Variants in VEZF1 observed in about 807,000 individuals in gnomAD.
VEZF1 encodes putative transcription factor DB1.
VEZF1 carries 5 observed loss-of-function variants against 44.1 expected under a neutral mutation model. The observed-to-expected ratio is 0.11, with a 90% confidence interval of 0.06 to 0.24. The LOEUF is 0.24. Ranked by LOEUF, VEZF1 falls within the 10% of genes least tolerant of loss-of-function variation. The pLI is 1.00. For synonymous variants in VEZF1, 236 were observed against 233.1 expected, an observed-to-expected ratio of 1.01 and a Z score of -0.11; for missense variants, 358 against 641.8, an observed-to-expected ratio of 0.56 and a Z score of 4.78.
intron 4 of VEZF1, among the ~76,000 whole-genome samples, chr17:57,980,032 CAGTGTACTTACAAAGA>C (rs1194215359): frequency 2.0e-4 from 30 of 150,076 alleles, no homozygotes; most frequent in African/African-American, 6.1e-4. Flanking sequence ...TACAACATAC[CAGTGTACTTACAAAGA>C]AGTGTACTTA....
chr17:57,975,662 C>T (rs1014490991), intron 5 of VEZF1, among the ~76,000 whole-genome samples: 1 of 152,198 alleles, frequency 6.6e-6, no homozygotes, highest in African/African-American at 2.4e-5. Flanking sequence ...CTGATGTTGA[C>T]ACAATCACCT....
intron 5 of VEZF1, among the ~76,000 whole-genome samples, chr17:57,976,985 A>G (rs2075198208): frequency 6.6e-6 from 1 of 152,170 alleles, no homozygotes; most frequent in Non-Finnish European, 1.5e-5. Context: ...ACTATGACTT[A>G]AACATTTTTA....
At chr17:57,982,386 T>C (rs1344497262) in intron 2 of VEZF1, among the ~76,000 whole-genome samples, 1 of 152,202 alleles carries the variant, frequency 6.6e-6, no homozygotes, top group Admixed American at 6.5e-5. Flanking sequence ...GTGAGCCTCA[T>C]GTCTAGTCCC....
rs1453025318 is a variant in VEZF1, at chr17:57,973,147, T to C, written c.*1326A>G. ...GCATGATGGTGTAAAGAGTATCTGTTTCCCTAGCTTTTGGTTTCTACTTTA... is the reference window on the plus strand; with the variant it reads ...GCATGATGGTGTAAAGAGTATCTGTCTCCCTAGCTTTTGGTTTCTACTTTA... On this transcript the variant is annotated 3_prime_UTR_variant, in exon 6 of 6. Coordinates refer to ENST00000581208, the MANE Select transcript of VEZF1 (RefSeq NM_007146.3). The C allele has an allele frequency of 6.6e-6, 1 of 152,218 alleles. No individual in the cohort carries two copies. Among genetic ancestry groups the C allele is most frequent in the Non-Finnish European group, 1.5e-5 (1 of 68,042 alleles). The allele number at this position is 152,218 out of a possible 1,614,324, so 9.4% of individuals were successfully genotyped here. A position where few individuals can be genotyped will look rare whatever the true frequency, so the allele number is the denominator to read the frequency against.
chr17:57,983,098 G>C lies in VEZF1; in HGVS notation c.329C>G (p.Thr110Ser). The change falls in exon 2 of 6, where the codon ACC becomes AGC. Residue 110 changes from threonine to serine, a missense_variant. Physicochemically the swap from Thr to Ser is moderately conservative, Grantham distance 58. Transcript: ENST00000581208. ...GGTAGAGATAAGGGGAACCACCGTGGTGGGGGTTTTCTTTGGCCGGGACAC... is the reference window on the plus strand; with the variant it reads ...GGTAGAGATAAGGGGAACCACCGTGCTGGGGGTTTTCTTTGGCCGGGACAC... ...KLVSRPKKTP[T>S]TVVPLISTIA... The C allele has an allele frequency of 6.2e-7, 1 of 1,614,234 alleles. No individual in the cohort carries two copies. Among genetic ancestry groups the C allele is most frequent in the Non-Finnish European group, 8.5e-7 (1 of 1,180,036 alleles).
intron 1 of VEZF1, among the ~76,000 whole-genome samples, chr17:57,984,242 A>T (rs1299822322): frequency 6.6e-6 from 1 of 152,226 alleles, no homozygotes; most frequent in Non-Finnish European, 1.5e-5. Flanking sequence ...ATTTGCTCTT[A>T]TGATGTGCTT....
At chr17:57,985,886 T>C (rs1456744366) in intron 1 of VEZF1, 1 of 152,210 alleles carries the variant, frequency 6.6e-6, no homozygotes, top group Non-Finnish European at 1.5e-5. Context: ...TTTCAAAATA[T>C]AAATTCAACA....
Position 57,988,104 on chromosome 17 carries a change from GC to G in VEZF1, c.7del (p.Ala3ProfsTer29). 1.2e-6 allele frequency: 1 copy of G among 825,710 alleles called. No homozygotes were observed. Among genetic ancestry groups the G allele is most frequent in the Non-Finnish European group, 1.6e-6 (1 of 641,132 alleles). The allele number at this position is 825,710 out of a possible 1,614,324, so 51.1% of individuals were successfully genotyped here. A position where few individuals can be genotyped will look rare whatever the true frequency, so the allele number is the denominator to read the frequency against. ME[A>X]NWTAFLFQAH... ...CTGGAACAGGAACGCGGTCCAGTTG[GC>G]CTCCATGGCTGCGGCGGCCGACCCC... On this transcript the variant is annotated frameshift_variant, in exon 1 of 6. Transcript: ENST00000581208. LOFTEE classifies it high-confidence loss of function.
chr17:57,974,172 G>A lies in VEZF1; in HGVS notation c.*301C>T. 1 of 354,986 alleles carries A rather than the reference G, an allele frequency of 2.8e-6. No individual in the cohort carries two copies. The highest frequency in any genetic ancestry group is 5.8e-5 in the South Asian group (1 of 17,362). The allele number at this position is 354,986 out of a possible 1,614,324, so 22.0% of individuals were successfully genotyped here. On this transcript the variant is annotated 3_prime_UTR_variant, in exon 6 of 6. Transcript: ENST00000581208. The stretch of plus-strand genomic sequence containing the variant: ...AGTAATGCTGTTTTTTTATTTTGAA[G>A]TGGGTTCTACTTATGATTGGTTTTA...
At chr17:57,984,880 C>G (rs1375715601) in intron 1 of VEZF1, among the ~76,000 whole-genome samples, 1 of 152,174 alleles carries the variant, frequency 6.6e-6, no homozygotes, top group Non-Finnish European at 1.5e-5. Flanking sequence ...GAAGCATTCT[C>G]AGAAATTATG....
chr17:57,978,548 C>A (rs2075214727), intron 5 of VEZF1, among the ~76,000 whole-genome samples: 1 of 152,018 alleles, frequency 6.6e-6, no homozygotes, highest in East Asian at 1.9e-4. Context: ...GAAAAGCAAA[C>A]CATTTAAAAT....
At chr17:57,975,585 A>G (rs1385814658) in intron 5 of VEZF1, among the ~76,000 whole-genome samples, 1 of 152,262 alleles carries the variant, frequency 6.6e-6, no homozygotes, top group Non-Finnish European at 1.5e-5. Flanking sequence ...TTTCTTAACT[A>G]CATTAGGAAA....
chr17:57,976,445 A>T (rs2143324632), intron 5 of VEZF1, among the ~76,000 whole-genome samples: 1 of 152,320 alleles, frequency 6.6e-6, no homozygotes. Flanking sequence ...AAACAAAAAC[A>T]AAGGACTCCA....
chr17:57,983,119 G>A lies in VEZF1; in HGVS notation c.308C>T (p.Ser103Phe). Residue 103 changes from serine to phenylalanine, a missense_variant, in exon 2 of 6, where the codon TCC (serine) becomes TTC (phenylalanine). Transcript: ENST00000581208. Reference protein sequence around the residue: ...ESCHTGIKLVSRPKKTPTTVV... With the variant: ...ESCHTGIKLVFRPKKTPTTVV... ...CGTGGTGGGGGTTTTCTTTGGCCGG[G>A]ACACCAACTTGATCCCTGTGTGGCA... 1 of 1,614,182 alleles carries A rather than the reference G, an allele frequency of 6.2e-7. No individual in the cohort carries two copies. The highest frequency in any genetic ancestry group is 8.5e-7 in the Non-Finnish European group (1 of 1,180,028).
At chr17:57,979,083 T>C (rs1294958382) in intron 5 of VEZF1, 69 bp downstream of exon 5, 3 of 1,555,594 alleles carry the variant, frequency 1.9e-6, no homozygotes, top group African/African-American at 1.4e-5. Flanking sequence ...TTCTCTACTT[T>C]GATCACTTGG....
rs750113436 is a variant in VEZF1 at position 57,981,866 on chromosome 17, C to T, written c.792+7G>A. 2 of 1,613,610 alleles carry T rather than the reference C, an allele frequency of 1.2e-6. No individual in the cohort carries two copies. Among genetic ancestry groups the T allele is most frequent in the Non-Finnish European group, 1.7e-6 (2 of 1,179,496 alleles). ...CTACACTAAGGATAAGTCATTTTAACTCTTACTTGGCATTTGAAGGGTCTT... is the reference window on the plus strand; with the variant it reads ...CTACACTAAGGATAAGTCATTTTAATTCTTACTTGGCATTTGAAGGGTCTT... On this transcript the variant is annotated splice_region_variant and intron_variant, in intron 3 of 5. Transcript: ENST00000581208.
chr17:57,987,486 G>C (rs1010576292), intron 1 of VEZF1, among the ~76,000 whole-genome samples: 1 of 152,206 alleles, frequency 6.6e-6, no homozygotes, highest in Non-Finnish European at 1.5e-5. Context: ...GGGTGGTGGC[G>C]GTGAGGGGGA....
At chr17:57,980,950 G>T in intron 3 of VEZF1, 164 bp from the exon 4 acceptor site, 2 of 711,718 alleles carry the variant, frequency 2.8e-6, no homozygotes, top group East Asian at 2.7e-5. Context: ...TAAAACTCTT[G>T]ATAAATTTTA....
Position 57,983,387 on chromosome 17 carries a change from C to T in VEZF1, c.40G>A (p.Glu14Lys). The T allele has an allele frequency of 1.2e-6, 2 of 1,603,540 alleles. No individual in the cohort carries two copies. Among genetic ancestry groups the T allele is most frequent in the Non-Finnish European group, 1.7e-6 (2 of 1,177,262 alleles). The change falls in exon 2 of 6, where the codon GAA becomes AAA. Residue 14 changes from glutamate (E) to lysine (K), a missense_variant. Transcript: ENST00000581208. ...NWTAFLFQAH[E>K]ASHHQQQAAQ... is the part of the protein sequence containing the mutation. ...GCCTGCTGTTGGTGATGGGAAGCTTCATGGGCCTAAAACCAAACATTTACA... is the reference window on the plus strand; with the variant it reads ...GCCTGCTGTTGGTGATGGGAAGCTTTATGGGCCTAAAACCAAACATTTACA...
Sources: gnomAD v4.1 joint callset for allele counts (sites outside exome capture counted in the v4.1 genomes callset) on GRCh38, gnomAD v4.1.1 for gene constraint, MANE v1.5 for transcripts, NCBI Gene and HGNC (gene_info 2026-07-23, HGNC 2026-07-21) for gene names.